PTPRN2: variants seen among roughly 807,000 people sequenced by gnomAD.
PTPRN2 encodes the protein protein tyrosine phosphatase receptor type N2.
PTPRN2 carries 74 observed loss-of-function variants against 118.8 expected under a neutral mutation model. The ratio of observed to expected loss-of-function variants is 0.62; its 90% CI spans 0.52 to 0.76. PTPRN2 has a LOEUF of 0.76. Ranked by LOEUF, PTPRN2 falls within the 30% of genes least tolerant of loss-of-function variation. The probability of loss-of-function intolerance (pLI) is 0.00; values close to 1 mark genes in which losing one functional copy is unlikely to be tolerated. For missense variants in PTPRN2, 1,481 were observed against 1,394.4 expected (o/e 1.06, Z -0.99); for synonymous variants, 641 against 608.0 (o/e 1.05, Z -0.80).
intron 20 of PTPRN2, among the ~76,000 whole-genome samples, chr7:157,570,958 T>C (rs981061784): frequency 3.3e-5 from 5 of 152,104 alleles, no homozygotes; most frequent in Non-Finnish European, 7.4e-5. Context: ...AAATATTCCA[T>C]GTGAGGCCTC....
At chr7:157,684,238 C>A (rs951569328) in intron 12 of PTPRN2, among the ~76,000 whole-genome samples, 2 of 151,850 alleles carry the variant, frequency 1.3e-5, no homozygotes, top group African/African-American at 4.8e-5. Context: ...TTAATGGAAA[C>A]GCGGGTTAAA....
chr7:157,799,512 C>T (rs1243010984), intron 12 of PTPRN2, among the ~76,000 whole-genome samples: 1 of 152,098 alleles, frequency 6.6e-6, no homozygotes, highest in Admixed American at 6.5e-5. Flanking sequence ...CACCTTGGGA[C>T]CTACAGCAGG....
Position 158,103,975 on chromosome 7 carries a change from C to T in PTPRN2, c.1643+6854G>A, listed in dbSNP as rs530380204. ...CCTCCCGGGTTCAAGCAATTCTCTG[C>T]CTCAGCCTCCCAAGTAGCTGGGATT... On this transcript the variant is annotated intron_variant, in intron 10 of 22. Coordinates refer to ENST00000389418, the MANE Select transcript of PTPRN2 (RefSeq NM_002847.5). 4.2e-4 allele frequency among the ~76,000 whole-genome samples: 64 copies of T among 152,176 alleles called. 1 individual carries two copies. The South Asian group carries it at 0.013, about 30-fold the overall frequency.
rs191097501 is a variant in PTPRN2 at position 158,329,833 on chromosome 7, C to T, written c.164-12901G>A. On this transcript the variant is annotated intron_variant, in intron 2 of 22. Transcript: ENST00000389418. ...TCACCGCTCGAGGCTGTGTCCTCTA[C>T]GGAGACTCACTTTCACTTTAGACTG... is the stretch of plus-strand genomic sequence containing the variant. Among the ~76,000 whole-genome samples the T allele has an allele frequency of 5.3e-5, 8 of 152,248 alleles. No individual in the cohort carries two copies. In the East Asian group the frequency reaches 1.2e-3, roughly 22 times the overall value.
Position 158,388,989 on chromosome 7 carries a change from C to T in PTPRN2, c.164-72057G>A, listed in dbSNP as rs140611275. Among the ~76,000 whole-genome samples the T allele has an allele frequency of 6.8e-3, 1,040 of 152,358 alleles. 12 individuals are homozygous for T. The highest frequency in any genetic ancestry group is 0.024 in the African/African-American group (994 of 41,582). ...ATAGGTCAACCCTAAGGGCTAAGCT[C>T]GGACTGGCGATTAGAACCTACAACC... On this transcript the variant is annotated intron_variant, in intron 2 of 22. Coordinates refer to ENST00000389418, the MANE Select transcript of PTPRN2 (RefSeq NM_002847.5).
chr7:158,493,819 A>C (rs1355938838), intron 1 of PTPRN2, among the ~76,000 whole-genome samples: 1 of 149,490 alleles, frequency 6.7e-6, no homozygotes, highest in East Asian at 2.0e-4. Context: ...ACATACACGC[A>C]CACCTGCATG....
intron 11 of PTPRN2, among the ~76,000 whole-genome samples, chr7:158,016,612 G>A (rs775186357): frequency 3.3e-5 from 5 of 152,146 alleles, no homozygotes; most frequent in Non-Finnish European, 5.9e-5. Flanking sequence ...ATTTTTCCCC[G>A]AGTCTCCTTG....
intron 12 of PTPRN2, among the ~76,000 whole-genome samples, chr7:157,852,421 GCTTT>G (rs1809342536): frequency 6.6e-6 from 1 of 152,182 alleles, no homozygotes; most frequent in African/African-American, 2.4e-5. Flanking sequence ...TTAATCAAAT[GCTTT>G]CTAAGCCAAG....
chr7:157,929,145 T>C lies in PTPRN2; in HGVS notation c.1724-30408A>G, dbSNP rs1338618715. On this transcript the variant is annotated intron_variant, in intron 11 of 22. Transcript: ENST00000389418. The surrounding 1 kb of genome is among the most constrained non-coding windows in gnomAD (Gnocchi z 4.4). The stretch of plus-strand genomic sequence containing the variant: ...CATTCCTTCCACCCTTGTGTTTCCC[T>C]GGCATATGTGTCAGCCAGCTGGTCA... Among the ~76,000 whole-genome samples, 2 of 152,156 alleles carry C rather than the reference T, an allele frequency of 1.3e-5. No homozygotes were observed. Among genetic ancestry groups the C allele is most frequent in the Non-Finnish European group, 2.9e-5 (2 of 68,024 alleles).
At chr7:157,771,138 C>A (rs962220070) in intron 12 of PTPRN2, among the ~76,000 whole-genome samples, 1 of 152,270 alleles carries the variant, frequency 6.6e-6, no homozygotes, top group Admixed American at 6.5e-5. Context: ...AGGCCCAGAG[C>A]TCCCAGCCAC....
chr7:157,679,573 T>C (rs1796821975), intron 13 of PTPRN2, among the ~76,000 whole-genome samples: 1 of 152,360 alleles, frequency 6.6e-6, no homozygotes, highest in African/African-American at 2.4e-5. Context: ...TGTTTGAAGG[T>C]GTTTGCATTA....
At chr7:157,694,424 C>G (rs1050048931) in intron 12 of PTPRN2, among the ~76,000 whole-genome samples, 8 of 152,184 alleles carry the variant, frequency 5.3e-5, no homozygotes, top group Non-Finnish European at 5.9e-5. Context: ...CTCCCACCAC[C>G]CCTCCTCTAA....
intron 2 of PTPRN2, among the ~76,000 whole-genome samples, chr7:158,414,016 C>T (rs1563263639): frequency 6.7e-6 from 1 of 149,546 alleles, no homozygotes; most frequent in African/African-American, 2.5e-5. Context: ...TGCAGTGAGC[C>T]GTGATCGTGC....
intron 2 of PTPRN2, among the ~76,000 whole-genome samples, chr7:158,353,744 C>G (rs1563192509): frequency 6.6e-6 from 1 of 152,204 alleles, no homozygotes; most frequent in Non-Finnish European, 1.5e-5. Context: ...CATAACCTGC[C>G]TGGCATCCAG....
chr7:158,035,547 G>A (rs1191854931), intron 11 of PTPRN2, among the ~76,000 whole-genome samples: 2 of 152,200 alleles, frequency 1.3e-5, no homozygotes, highest in African/African-American at 2.4e-5. Flanking sequence ...GCAGGTGCTG[G>A]CAGCGCACCC....
Position 157,611,967 on chromosome 7 carries a change from C to T in PTPRN2, c.2345-7892G>A, listed in dbSNP as rs1802373673. 6.6e-6 allele frequency among the ~76,000 whole-genome samples: 1 copy of T among 152,168 alleles called. No homozygotes were observed. On this transcript the variant is annotated intron_variant, in intron 15 of 22. Coordinates refer to ENST00000389418, the MANE Select transcript of PTPRN2 (RefSeq NM_002847.5). The surrounding 1 kb of genome is among the most constrained non-coding windows in gnomAD (Gnocchi z 5.9). ...TGGTCGTGCTGAGGAGCGAGGCCTC[C>T]AGAGAAGCCAGCCCTGCTGACACCC...
At chr7:158,222,850 A>T (rs1273681577) in intron 3 of PTPRN2, among the ~76,000 whole-genome samples, 1 of 152,200 alleles carries the variant, frequency 6.6e-6, no homozygotes, top group East Asian at 1.9e-4. Context: ...AAATCAATGT[A>T]ATTTAAGTGA....
intron 13 of PTPRN2, among the ~76,000 whole-genome samples, chr7:157,660,162 C>T (rs12333884): frequency 0.36 from 54,628 of 151,968 alleles, 10,819 homozygotes; most frequent in Non-Finnish European, 0.46. Context: ...AGAAAAATAA[C>T]GTCCAACCAA....
intron 17 of PTPRN2, among the ~76,000 whole-genome samples, chr7:157,582,681 C>T (rs1445641432): frequency 6.6e-6 from 1 of 152,054 alleles, no homozygotes; most frequent in Non-Finnish European, 1.5e-5. Flanking sequence ...CGAGACCAGC[C>T]TGACCAACAT....
Sources: gnomAD v4.1 joint callset for allele counts (sites outside exome capture counted in the v4.1 genomes callset) on GRCh38, gnomAD v4.1.1 for gene constraint, Gnocchi (gnomAD v3.1) non-coding constraint, MANE v1.5 for transcripts, NCBI Gene and HGNC (gene_info 2026-07-23, HGNC 2026-07-21) for gene names.